CECR2: variants seen among roughly 807,000 people sequenced by gnomAD.
CECR2 encodes chromatin remodeling regulator CECR2.
A neutral mutation model predicts 154.5 loss-of-function variants in CECR2; 30 were observed. The observed-to-expected ratio is 0.19, with a 90% confidence interval of 0.15 to 0.26. The LOEUF is 0.26. CECR2 is among the 10% of genes least tolerant of loss of function. The pLI is 1.00. For missense variants in CECR2, 1,743 were observed against 1,829.3 expected, an observed-to-expected ratio of 0.95 and a Z score of 0.86; for synonymous variants, 725 against 683.7, an observed-to-expected ratio of 1.06 and a Z score of -0.94.
chr22:17,480,312 G>C (rs2055285092), intron 2 of CECR2, among the ~76,000 whole-genome samples: 1 of 151,886 alleles, frequency 6.6e-6, no homozygotes, highest in African/African-American at 2.4e-5. Flanking sequence ...TGTGGGTCAG[G>C]AACCTGGACA....
At chr22:17,477,309 A>G (rs578016454) in intron 1 of CECR2, 9 of 605,470 alleles carry the variant, frequency 1.5e-5, no homozygotes, top group South Asian at 1.4e-4. Context: ...GCTAGCATTG[A>G]TTTATCAAAA....
At chr22:17,429,473 A>G (rs1370669631) in intron 1 of CECR2, among the ~76,000 whole-genome samples, 1 of 149,338 alleles carries the variant, frequency 6.7e-6, no homozygotes, top group Non-Finnish European at 1.5e-5. Flanking sequence ...AAGCCGAGGT[A>G]GTCGGATCGC....
At chr22:17,503,911 G>A (rs1322007762) in intron 6 of CECR2, among the ~76,000 whole-genome samples, 2 of 151,976 alleles carry the variant, frequency 1.3e-5, no homozygotes, top group African/African-American at 4.8e-5. Context: ...CCTGGGCGTG[G>A]TGGCAGGCAC....
chr22:17,400,500 G>C (rs574311295), intron 1 of CECR2, among the ~76,000 whole-genome samples: 56 of 152,298 alleles, frequency 3.7e-4, no homozygotes, highest in African/African-American at 1.3e-3. Context: ...GGAGGCTCTT[G>C]AGAAATGTCC....
At chr22:17,503,955 G>T (rs1396665999) in intron 6 of CECR2, among the ~76,000 whole-genome samples, 1 of 152,024 alleles carries the variant, frequency 6.6e-6, no homozygotes, top group Non-Finnish European at 1.5e-5. Flanking sequence ...GCTGAGGCAG[G>T]AGAATCACTT....
chr22:17,473,331 G>A (rs1474417845), intron 1 of CECR2, among the ~76,000 whole-genome samples: 3 of 152,162 alleles, frequency 2.0e-5, no homozygotes, highest in Admixed American at 2.0e-4. Flanking sequence ...AAAAGAGGAG[G>A]AGAGAAAGTG....
At position 17,495,861 on chromosome 22, in the gene CECR2, C is replaced by CAAAAAA. The variant is rs10558473; in HGVS notation, c.222-1523_222-1518dup. 2.9e-3 allele frequency among the ~76,000 whole-genome samples: 198 copies of CAAAAAA among 67,222 alleles called. 2 individuals are homozygous for CAAAAAA. Among genetic ancestry groups the CAAAAAA allele is most frequent in the Non-Finnish European group, 4.5e-3 (171 of 37,922 alleles). 44.1% of individuals were successfully genotyped at this position (67,222 alleles called of 152,430 possible). On this transcript the variant is annotated intron_variant, in intron 2 of 18. Coordinates refer to ENST00000262608, the MANE Select transcript of CECR2 (RefSeq NM_001290047.2). ...TGGGTGACAGAGCAAGACTCTGTCT[C>CAAAAAA]AAAAAAAAAAAAAAAAAAAAAAAAG...
intron 5 of CECR2, among the ~76,000 whole-genome samples, chr22:17,502,378 A>G (rs1293868761): frequency 6.6e-6 from 1 of 152,212 alleles, no homozygotes; most frequent in Non-Finnish European, 1.5e-5. Context: ...TGGAATCCCT[A>G]CAGTTCTTTT....
rs761849356 is a variant in CECR2 at position 17,549,133 on chromosome 22, G to C, written c.3846G>C (p.Lys1282Asn). 3 of 1,614,018 alleles carry C rather than the reference G, an allele frequency of 1.9e-6. No homozygotes were observed. In the East Asian group the frequency reaches 6.7e-5, roughly 36 times the overall value. The change falls in exon 17 of 19, where the codon AAG (lysine) becomes AAC (asparagine). Residue 1282 changes from lysine (K) to asparagine (N), a missense_variant. Lys to Asn is a moderately conservative substitution (Grantham distance 94). Coordinates refer to ENST00000262608, the MANE Select transcript of CECR2 (RefSeq NM_001290047.2). Reference protein sequence around the residue: ...DGQNPGPEEEKLDESMERPES... With the variant: ...DGQNPGPEEENLDESMERPES... ...AGAATCCTGGTCCAGAGGAAGAGAA[G>C]CTGGATGAATCTATGGAGAGGCCAG...
In CECR2 at chr22:17,556,691, A is replaced by C. The variant is rs174347; in HGVS notation, c.*3851A>C. Reference sequence around the variant, plus strand: ...ACAGTTGAGTAGTGTAAGAACCCCAACCTGCTTGCAGAGAACCTTGGTTTT... The same window carrying C: ...ACAGTTGAGTAGTGTAAGAACCCCACCCTGCTTGCAGAGAACCTTGGTTTT... On this transcript the variant is annotated 3_prime_UTR_variant, in exon 19 of 19. Coordinates refer to ENST00000262608, the MANE Select transcript of CECR2 (RefSeq NM_001290047.2). 111,948 of 152,100 alleles carry C rather than the reference A, an allele frequency of 0.74. 43,021 individuals are homozygous for C. Among genetic ancestry groups the C allele is most frequent in the Non-Finnish European group, 0.86 (58,826 of 68,026 alleles). The allele number at this position is 152,100 out of a possible 1,614,324, so 9.4% of individuals were successfully genotyped here.
intron 2 of CECR2, among the ~76,000 whole-genome samples, chr22:17,481,342 CAAAAAAAAAAAAA>C (rs10714119): frequency 1.4e-5 from 1 of 73,778 alleles, no homozygotes; most frequent in Non-Finnish European, 2.8e-5. Context: ...GACTCTGTCT[CAAAAAAAAAAAAA>C]AAAAAAAAGT....
chr22:17,394,207 T>G (rs1384304639), intron 1 of CECR2, among the ~76,000 whole-genome samples: 2 of 145,056 alleles, frequency 1.4e-5, no homozygotes, highest in African/African-American at 5.1e-5. Context: ...CTTTTTTTTT[T>G]TTTTTTTTTT....
At chr22:17,508,307 CCACT>C (rs1319782774) in intron 7 of CECR2, among the ~76,000 whole-genome samples, 1 of 151,856 alleles carries the variant, frequency 6.6e-6, no homozygotes, top group Non-Finnish European at 1.5e-5. Flanking sequence ...CACATTCACA[CCACT>C]CAGTCACGGA....
At chr22:17,366,879 C>T (rs368966923), upstream of CECR2, among the ~76,000 whole-genome samples, 1 of 152,102 alleles carries the variant, frequency 6.6e-6, no homozygotes, top group Non-Finnish European at 1.5e-5. Context: ...AGGATCCGTT[C>T]CAGAGGGTAG....
At chr22:17,547,146 AAGTT>A (rs1445523952) in intron 16 of CECR2, among the ~76,000 whole-genome samples, 2 of 151,994 alleles carry the variant, frequency 1.3e-5, no homozygotes, top group African/African-American at 2.4e-5. Context: ...GTCGAATAGT[AAGTT>A]AAAGAATTCT....
intron 8 of CECR2, among the ~76,000 whole-genome samples, chr22:17,520,971 G>A (rs539781603): frequency 1.1e-4 from 16 of 152,226 alleles, no homozygotes; most frequent in African/African-American, 3.9e-4. Flanking sequence ...TGGGATCACT[G>A]GGTCAAATGG....
rs947735333 is a variant in CECR2, at chr22:17,557,701, A to C, written c.*4861A>C. ...GTGGGAGCAGGGGTATGGATATTGCATAAGTTATTGAAATGCTGACCCCCG... is the reference window on the plus strand; with the variant it reads ...GTGGGAGCAGGGGTATGGATATTGCCTAAGTTATTGAAATGCTGACCCCCG... On this transcript the variant is annotated 3_prime_UTR_variant, in exon 19 of 19. Transcript: ENST00000262608. 1 of 152,340 alleles carries C rather than the reference A, an allele frequency of 6.6e-6. No homozygotes were observed. The highest frequency in any genetic ancestry group is 1.5e-5 in the Non-Finnish European group (1 of 68,072). The allele number at this position is 152,340 out of a possible 1,614,324, so 9.4% of individuals were successfully genotyped here. A position where few individuals can be genotyped will look rare whatever the true frequency, so the allele number is the denominator to read the frequency against.
intron 3 of CECR2, among the ~76,000 whole-genome samples, chr22:17,498,787 C>T (rs1569122570): frequency 8.8e-6 from 1 of 113,356 alleles, no homozygotes. Flanking sequence ...ATAAAACAAC[C>T]GCTCCCAGCC....
At chr22:17,474,854 T>TG (rs939477693) in intron 1 of CECR2, among the ~76,000 whole-genome samples, 11 of 152,196 alleles carry the variant, frequency 7.2e-5, no homozygotes, top group Admixed American at 3.9e-4. Flanking sequence ...TCTGTAGAGA[T>TG]GGGGTCTCGC....
Sources: gnomAD v4.1 joint callset for allele counts (sites outside exome capture counted in the v4.1 genomes callset) on GRCh38, gnomAD v4.1.1 for gene constraint, MANE v1.5 for transcripts, NCBI Gene and HGNC (gene_info 2026-07-23, HGNC 2026-07-21) for gene names.